The following LEKR1 variants were observed in gnomAD, a reference collection of about 807,000 sequenced individuals.
LEKR1 encodes the protein protein LEKR1.
LEKR1 carries 59 observed loss-of-function variants against 72.4 expected under a neutral mutation model. That is an observed-to-expected ratio of 0.82 (90% CI 0.66 to 1.01). The LOEUF is 1.01. Ranked by LOEUF, LEKR1 falls within the 50% of genes least tolerant of loss-of-function variation. LEKR1 has a pLI of 0.00. For synonymous variants in LEKR1, 257 were observed against 263.2 expected, an observed-to-expected ratio of 0.98 and a Z score of 0.23; for missense variants, 728 against 759.2, an observed-to-expected ratio of 0.96 and a Z score of 0.48.
At chr3:156,881,949 T>C (rs1301488235) in intron 3 of LEKR1, among the ~76,000 whole-genome samples, 2 of 148,874 alleles carry the variant, frequency 1.3e-5, no homozygotes, top group African/African-American at 2.5e-5. Flanking sequence ...GCTAGCCATA[T>C]GTAGAAAGCT....
intron 3 of LEKR1, among the ~76,000 whole-genome samples, chr3:156,873,984 T>C (rs982105216): frequency 6.6e-6 from 1 of 152,076 alleles, no homozygotes; most frequent in African/African-American, 2.4e-5. Flanking sequence ...GTGAAGACCT[T>C]TTTGAATTTA....
At chr3:156,966,794 A>G (rs555652104) in intron 6 of LEKR1, among the ~76,000 whole-genome samples, 2 of 152,190 alleles carry the variant, frequency 1.3e-5, no homozygotes, top group Non-Finnish European at 2.9e-5. Flanking sequence ...TTCTCCCAGC[A>G]CGCAGCTGGA....
chr3:156,963,268 CT>C (rs1480821324), intron 6 of LEKR1, among the ~76,000 whole-genome samples: 1 of 152,176 alleles, frequency 6.6e-6, no homozygotes, highest in African/African-American at 2.4e-5. Context: ...ATGATTCATC[CT>C]CAGGGAAACC....
At chr3:156,887,893 C>A (rs1345504833) in intron 3 of LEKR1, among the ~76,000 whole-genome samples, 1 of 152,072 alleles carries the variant, frequency 6.6e-6, no homozygotes, top group Admixed American at 6.6e-5. Context: ...ATTCACCTCT[C>A]TATATATCAT....
intron 3 of LEKR1, among the ~76,000 whole-genome samples, chr3:156,908,425 A>G (rs1278649802): frequency 6.6e-6 from 1 of 152,080 alleles, no homozygotes; most frequent in African/African-American, 2.4e-5. Context: ...GCTGTCTTTT[A>G]TTACTCAATT....
At chr3:156,861,609 G>C (rs944290958) in intron 3 of LEKR1, among the ~76,000 whole-genome samples, 2 of 151,994 alleles carry the variant, frequency 1.3e-5, no homozygotes, top group Non-Finnish European at 1.5e-5. Context: ...ACATGGGAAA[G>C]GCAGGGAAAA....
Position 156,921,815 on chromosome 3 carries a change from G to A in LEKR1, c.383+1121G>A, listed in dbSNP as rs530105608. 1.2e-4 allele frequency among the ~76,000 whole-genome samples: 19 copies of A among 152,146 alleles called. No individual in the cohort carries two copies. The East Asian group carries it at 1.5e-3, about 12-fold the overall frequency. On this transcript the variant is annotated intron_variant, in intron 4 of 12. Transcript: ENST00000356539. ...GGGACTAGACCAAATAATTATTGCC[G>A]CTTCAGGATATTATGGGACTGATAC...
intron 2 of LEKR1, among the ~76,000 whole-genome samples, chr3:156,846,039 T>G (rs1463278912): frequency 6.6e-6 from 1 of 151,950 alleles, no homozygotes; most frequent in Non-Finnish European, 1.5e-5. Context: ...TATTTTGTTA[T>G]ATCTACACCT....
At chr3:156,873,712 G>A (rs990548660) in intron 3 of LEKR1, among the ~76,000 whole-genome samples, 2 of 151,886 alleles carry the variant, frequency 1.3e-5, no homozygotes, top group African/African-American at 4.8e-5. Flanking sequence ...GCTTTTGCAT[G>A]TCTGGAAAAG....
chr3:156,844,827 C>T (rs1179241287), intron 2 of LEKR1, among the ~76,000 whole-genome samples: 1 of 150,854 alleles, frequency 6.6e-6, no homozygotes, highest in African/African-American at 2.4e-5. Flanking sequence ...TATAAACATT[C>T]ATTTATGTGA....
chr3:156,992,557 A>G (rs1477515265), intron 7 of LEKR1, 96 bp from the exon 8 acceptor site: 1 of 219,948 alleles, frequency 4.5e-6, no homozygotes, highest in African/African-American at 2.4e-5. Context: ...TGAAGATGTT[A>G]AGAAATTTCT....
rs114539455 is a variant in LEKR1 at position 156,913,264 on chromosome 3, G to A, written c.264-7311G>A. ...CGATATTGATTTTTTCAATCCATGAGCATGGAATATTTTTTCATTTATTTG... is the reference window on the plus strand; with the variant it reads ...CGATATTGATTTTTTCAATCCATGAACATGGAATATTTTTTCATTTATTTG... On this transcript the variant is annotated intron_variant, in intron 3 of 12. Transcript: ENST00000356539. 4.3e-3 allele frequency among the ~76,000 whole-genome samples: 656 copies of A among 152,210 alleles called. 9 individuals carry two copies. The highest frequency in any genetic ancestry group is 0.015 in the African/African-American group (633 of 41,518).
chr3:156,889,082 T>C (rs962555629), intron 3 of LEKR1, among the ~76,000 whole-genome samples: 3 of 152,086 alleles, frequency 2.0e-5, no homozygotes, highest in African/African-American at 7.2e-5. Context: ...CTATCCTCTT[T>C]TAAAGAAAAA....
intron 7 of LEKR1, among the ~76,000 whole-genome samples, chr3:156,984,447 C>T (rs750101341): frequency 1.1e-4 from 17 of 152,092 alleles, no homozygotes; most frequent in Admixed American, 3.3e-4. Flanking sequence ...GAGGCTGAGG[C>T]GGGTGGATCA....
At chr3:156,999,784 C>T (rs1731870786) in intron 9 of LEKR1, among the ~76,000 whole-genome samples, 2 of 152,192 alleles carry the variant, frequency 1.3e-5, no homozygotes, top group Non-Finnish European at 2.9e-5. Context: ...GTTAGCAGAG[C>T]TGTGGCCTGC....
At chr3:156,904,816 T>C (rs1054427366) in intron 3 of LEKR1, among the ~76,000 whole-genome samples, 1 of 151,962 alleles carries the variant, frequency 6.6e-6, no homozygotes, top group Non-Finnish European at 1.5e-5. Flanking sequence ...TGTGTGTGTA[T>C]TTATTTTTTT....
chr3:156,899,495 CATAT>C (rs1268339435), intron 3 of LEKR1, among the ~76,000 whole-genome samples: 6 of 113,632 alleles, frequency 5.3e-5, no homozygotes, highest in Admixed American at 9.2e-5. Context: ...CATATATACA[CATAT>C]ATACATGTAT....
chr3:156,994,463 G>A (rs1278559544), intron 9 of LEKR1, among the ~76,000 whole-genome samples: 4 of 152,102 alleles, frequency 2.6e-5, no homozygotes, highest in South Asian at 2.1e-4. Context: ...CAACTGCAGA[G>A]CTGATATCCC....
intron 3 of LEKR1, among the ~76,000 whole-genome samples, chr3:156,870,217 T>C (rs1318456376): frequency 6.7e-5 from 10 of 150,252 alleles, no homozygotes; most frequent in African/African-American, 2.3e-4. Flanking sequence ...AATTTTAAGA[T>C]TTTTTTCTAT....
Sources: gnomAD v4.1 joint callset for allele counts (sites outside exome capture counted in the v4.1 genomes callset) on GRCh38, gnomAD v4.1.1 for gene constraint, MANE v1.5 for transcripts, NCBI Gene and HGNC (gene_info 2026-07-23, HGNC 2026-07-21) for gene names.